The following RBFOX1 variants were observed in gnomAD, a reference collection of about 807,000 sequenced individuals.
RBFOX1 encodes RNA binding protein fox-1 homolog 1.
RBFOX1 carries 8 observed loss-of-function variants against 57.7 expected under a neutral mutation model. The observed-to-expected ratio is 0.14, with a 90% CI of 0.08 to 0.25. The LOEUF is 0.25. Among genes scored for constraint, RBFOX1 ranks in the 10% least tolerant of loss-of-function variants. The pLI is 1.00. For synonymous variants in RBFOX1, 326 were observed against 222.4 expected (o/e 1.47, Z -4.15); for missense variants, 611 against 548.5 (o/e 1.11, Z -1.14).
At chr16:7,209,354 C>T (rs1464597239) in intron 4 of RBFOX1, among the ~76,000 whole-genome samples, 1 of 152,010 alleles carries the variant, frequency 6.6e-6, no homozygotes, top group Admixed American at 6.6e-5. Context: ...AAATAAATAA[C>T]AAGATCTCCT....
chr16:5,290,344 A>C, intron 1 of RBFOX1, among the ~76,000 whole-genome samples: 1 of 152,278 alleles, frequency 6.6e-6, no homozygotes, highest in South Asian at 2.1e-4. Flanking sequence ...CCTGTGACAG[A>C]GACTCTATCT....
At chr16:5,773,435 T>G (rs905380364) in intron 3 of RBFOX1, among the ~76,000 whole-genome samples, 1 of 152,164 alleles carries the variant, frequency 6.6e-6, no homozygotes, top group South Asian at 2.1e-4. Flanking sequence ...GCTCCAGAAC[T>G]TACTTTCTTG....
chr16:5,701,896 T>C (rs2051062822), intron 3 of RBFOX1, among the ~76,000 whole-genome samples: 1 of 152,236 alleles, frequency 6.6e-6, no homozygotes, highest in Non-Finnish European at 1.5e-5. Flanking sequence ...TTATTTCTAG[T>C]AGAGGTTTTG....
intron 2 of RBFOX1, among the ~76,000 whole-genome samples, chr16:6,442,920 T>G (rs1283212949): frequency 1.3e-5 from 2 of 152,178 alleles, no homozygotes; most frequent in Non-Finnish European, 2.9e-5. Flanking sequence ...GTAACCGCAA[T>G]TACTTTTGCA....
intron 4 of RBFOX1, among the ~76,000 whole-genome samples, chr16:7,237,496 C>G (rs1228807848): frequency 6.6e-6 from 1 of 152,222 alleles, no homozygotes; most frequent in African/African-American, 2.4e-5. Context: ...ATCTACATAT[C>G]TCATTAGCCT....
intron 3 of RBFOX1, among the ~76,000 whole-genome samples, chr16:6,974,685 A>C (rs2086409619): frequency 6.6e-6 from 1 of 152,078 alleles, no homozygotes; most frequent in Admixed American, 6.6e-5. Flanking sequence ...GAAGACCATC[A>C]GGAGGGTAGT....
intron 7 of RBFOX1, 88 bp downstream of exon 7, chr16:7,587,388 A>G (rs763416978): frequency 7.8e-7 from 1 of 1,281,968 alleles, no homozygotes; most frequent in African/African-American, 1.5e-5. Context: ...TGTCTTAATC[A>G]GCTCATTGTG....
At chr16:5,762,499 C>T (rs577019298) in intron 3 of RBFOX1, among the ~76,000 whole-genome samples, 11 of 152,242 alleles carry the variant, frequency 7.2e-5, no homozygotes, top group East Asian at 1.9e-4. Flanking sequence ...CTAATATGCT[C>T]GTTTCAAAAG....
chr16:6,152,263 G>A (rs2096802800), intron 1 of RBFOX1, among the ~76,000 whole-genome samples: 1 of 152,144 alleles, frequency 6.6e-6, no homozygotes, highest in African/African-American at 2.4e-5. Context: ...AAGAAGCTGA[G>A]GACAGCTTAG....
At chr16:6,119,249 G>T (rs2152625337) in intron 1 of RBFOX1, among the ~76,000 whole-genome samples, 1 of 151,944 alleles carries the variant, frequency 6.6e-6, no homozygotes, top group Middle Eastern at 3.4e-3. Flanking sequence ...ATTAATTTTA[G>T]AATTTTTAAG....
chr16:5,890,839 C>G (rs1220672263), intron 4 of RBFOX1, among the ~76,000 whole-genome samples: 1 of 152,048 alleles, frequency 6.6e-6, no homozygotes, highest in African/African-American at 2.4e-5. Context: ...TCCATTCACC[C>G]AACATTGTGT....
At chr16:6,911,643 C>G (rs187361192) in intron 3 of RBFOX1, among the ~76,000 whole-genome samples, 2 of 152,184 alleles carry the variant, frequency 1.3e-5, no homozygotes, top group East Asian at 1.9e-4. Flanking sequence ...AGGGGTTGGG[C>G]TTCAACATCT....
At chr16:7,040,009 T>C (rs2045666214) in intron 3 of RBFOX1, among the ~76,000 whole-genome samples, 1 of 150,606 alleles carries the variant, frequency 6.6e-6, no homozygotes, top group Non-Finnish European at 1.5e-5. Context: ...TATTTTATTA[T>C]TATTATTATT....
chr16:5,450,181 C>A (rs190602248), intron 1 of RBFOX1, among the ~76,000 whole-genome samples: 1 of 152,136 alleles, frequency 6.6e-6, no homozygotes, highest in South Asian at 2.1e-4. Context: ...GAGCCCGATC[C>A]TTGTGAATTT....
At chr16:7,563,404 T>C (rs1768182252) in intron 5 of RBFOX1, among the ~76,000 whole-genome samples, 1 of 152,234 alleles carries the variant, frequency 6.6e-6, no homozygotes, top group Non-Finnish European at 1.5e-5. Context: ...CAAATCTAGA[T>C]AATTGTGTTT....
chr16:7,488,626 A>G (rs1296249811), intron 4 of RBFOX1, among the ~76,000 whole-genome samples: 1 of 152,092 alleles, frequency 6.6e-6, no homozygotes, highest in African/African-American at 2.4e-5. Context: ...CCTATCTACT[A>G]TTTACCTATC....
chr16:6,926,495 C>T (rs1457402078), intron 3 of RBFOX1, among the ~76,000 whole-genome samples: 1 of 152,056 alleles, frequency 6.6e-6, no homozygotes, highest in African/African-American at 2.4e-5. Flanking sequence ...AAGTTAATGA[C>T]ATTTGTAGCG....
At chr16:6,735,698 C>T (rs865833959) in intron 3 of RBFOX1, among the ~76,000 whole-genome samples, 35 of 152,184 alleles carry the variant, frequency 2.3e-4, no homozygotes, top group Middle Eastern at 6.8e-3. Context: ...GTTGCATTTC[C>T]CCTAGAAACT....
intron 2 of RBFOX1, among the ~76,000 whole-genome samples, chr16:6,551,249 T>A (rs970655047): frequency 6.6e-6 from 1 of 152,212 alleles, no homozygotes. Flanking sequence ...GTTGGACACA[T>A]GTAATGAGTA....
Sources: allele counts gnomAD v4.1 joint callset (sites outside exome capture counted in the v4.1 genomes callset), GRCh38; gene constraint gnomAD v4.1.1; transcripts MANE v1.5; gene names NCBI Gene and HGNC (gene_info 2026-07-23, HGNC 2026-07-21).